GPC5: variants seen among roughly 807,000 people sequenced by gnomAD.
The protein encoded by GPC5 is glypican 5, also known as glypican-5.
A neutral mutation model predicts 53.9 loss-of-function variants in GPC5; 47 were observed. The ratio of observed to expected loss-of-function variants is 0.87; its 90% CI spans 0.69 to 1.11. GPC5 has a LOEUF of 1.11. GPC5 is among the 50% of genes most tolerant of loss of function. The probability of loss-of-function intolerance (pLI) is 0.00; values close to 1 mark genes in which losing one functional copy is unlikely to be tolerated. For missense variants in GPC5, 748 were observed against 713.1 expected, an observed-to-expected ratio of 1.05 and a Z score of -0.56; for synonymous variants, 286 against 263.3, an observed-to-expected ratio of 1.09 and a Z score of -0.84.
chr13:92,132,737 T>C (rs1277071272), intron 6 of GPC5, among the ~76,000 whole-genome samples: 1 of 152,096 alleles, frequency 6.6e-6, no homozygotes. Context: ...ATTTCTAAAG[T>C]CACATTCTGA....
chr13:91,667,372 C>T (rs1382851861), intron 2 of GPC5, among the ~76,000 whole-genome samples: 1 of 151,882 alleles, frequency 6.6e-6, no homozygotes, highest in Non-Finnish European at 1.5e-5. Context: ...TACATATTAC[C>T]CCCTTCATAA....
chr13:92,660,206 T>G (rs1258392382), intron 7 of GPC5, among the ~76,000 whole-genome samples: 1 of 152,232 alleles, frequency 6.6e-6, no homozygotes, highest in African/African-American at 2.4e-5. Flanking sequence ...TTTTTTCAAT[T>G]TGTTTATGTT....
At chr13:92,762,843 A>T (rs1421389133) in intron 7 of GPC5, among the ~76,000 whole-genome samples, 1 of 151,644 alleles carries the variant, frequency 6.6e-6, no homozygotes, top group Non-Finnish European at 1.5e-5. Flanking sequence ...TTTTCAAAAG[A>T]CCTTTTTCAA....
chr13:91,947,186 A>G (rs2039981993), intron 6 of GPC5, among the ~76,000 whole-genome samples: 1 of 152,292 alleles, frequency 6.6e-6, no homozygotes, highest in East Asian at 1.9e-4. Context: ...TTACTATACA[A>G]TGTTACGTTT....
chr13:91,922,880 A>G (rs1386371005), intron 6 of GPC5, among the ~76,000 whole-genome samples: 1 of 5,456 alleles, frequency 1.8e-4, no homozygotes, highest in Admixed American at 2.7e-3. Context: ...AATTTGGCAG[A>G]TCTTACTCCT....
chr13:92,105,096 A>T (rs541434133), intron 6 of GPC5, among the ~76,000 whole-genome samples: 1 of 149,600 alleles, frequency 6.7e-6, no homozygotes, highest in Admixed American at 6.7e-5. Context: ...TTTTTAATTG[A>T]TTTTTTTTTT....
At chr13:92,068,198 A>G (rs754061999) in intron 6 of GPC5, among the ~76,000 whole-genome samples, 15 of 151,910 alleles carry the variant, frequency 9.9e-5, no homozygotes, top group Non-Finnish European at 1.2e-4. Flanking sequence ...AAACTGTTTA[A>G]CTGACTTGAA....
intron 7 of GPC5, among the ~76,000 whole-genome samples, chr13:92,345,507 G>A (rs751263546): frequency 6.6e-6 from 1 of 152,074 alleles, no homozygotes; most frequent in African/African-American, 2.4e-5. Context: ...CCCACAGAAA[G>A]TATAGCTAGC....
intron 7 of GPC5, among the ~76,000 whole-genome samples, chr13:92,821,031 TG>T (rs1343615342): frequency 2.0e-5 from 3 of 152,116 alleles, no homozygotes; most frequent in African/African-American, 7.2e-5. Flanking sequence ...TATTAAGACT[TG>T]AGCTTTCTCT....
chr13:91,855,909 A>G, intron 5 of GPC5, among the ~76,000 whole-genome samples: 1 of 151,602 alleles, frequency 6.6e-6, no homozygotes, highest in Non-Finnish European at 1.5e-5. Flanking sequence ...TCATGTAGCC[A>G]AAACCTAAAT....
rs200469323 is a variant in GPC5, at chr13:91,497,306, ATAT to A, written c.325+48386_325+48388del. 3.8e-3 allele frequency among the ~76,000 whole-genome samples: 496 copies of A among 129,248 alleles called. 2 individuals are homozygous for A. The highest frequency in any genetic ancestry group is 0.012 in the African/African-American group (445 of 38,068). The allele number at this position is 129,248 out of a possible 152,430, so 84.8% of individuals were successfully genotyped here. On this transcript the variant is annotated intron_variant, in intron 2 of 7. Coordinates refer to ENST00000377067, the MANE Select transcript of GPC5 (RefSeq NM_004466.6). ...AAGTCAGATATAGTTTATGCTTCAG[ATAT>A]TTTTTTTTTTAAACCAGTGAATTTT...
At chr13:91,943,192 A>G (rs1328636944) in intron 6 of GPC5, among the ~76,000 whole-genome samples, 3 of 152,138 alleles carry the variant, frequency 2.0e-5, no homozygotes, top group Admixed American at 2.0e-4. Context: ...TCATTAGAAA[A>G]TGTGTAATTC....
chr13:92,216,978 C>CAAA (rs61411051), intron 7 of GPC5, among the ~76,000 whole-genome samples: 1 of 93,656 alleles, frequency 1.1e-5, no homozygotes, highest in African/African-American at 4.0e-5. Flanking sequence ...GATCTTGTCT[C>CAAA]AAAAAAAAAA....
intron 7 of GPC5, among the ~76,000 whole-genome samples, chr13:92,523,277 G>A (rs1036564355): frequency 4.2e-4 from 64 of 152,076 alleles, no homozygotes; most frequent in African/African-American, 1.5e-3. Flanking sequence ...CAACAAACAA[G>A]TGTTCCAAAT....
At chr13:92,829,643 T>C (rs1157096951) in intron 7 of GPC5, among the ~76,000 whole-genome samples, 1 of 152,154 alleles carries the variant, frequency 6.6e-6, no homozygotes. Context: ...TCTCTAGAAC[T>C]AAATATCTTT....
chr13:92,435,319 G>A (rs1037738199), intron 7 of GPC5, among the ~76,000 whole-genome samples: 3 of 152,144 alleles, frequency 2.0e-5, no homozygotes, highest in Non-Finnish European at 4.4e-5. Flanking sequence ...ACCAAAAGGG[G>A]TTGAATGTTT....
At position 92,402,061 on chromosome 13, in the gene GPC5, C is replaced by T. The variant is rs548560850; in HGVS notation, c.1561+257072C>T. Among the ~76,000 whole-genome samples the T allele has an allele frequency of 6.0e-4, 92 of 152,232 alleles. 1 individual carries two copies. Among genetic ancestry groups the T allele is most frequent in the African/African-American group, 2.0e-3 (85 of 41,542 alleles). ...TTGAAAGCAATTGAAATAGTTAATT[C>T]CTTTTTCCCGGAAAAAGGAATTACA... is the stretch of plus-strand genomic sequence containing the variant. On this transcript the variant is annotated intron_variant, in intron 7 of 7. Transcript: ENST00000377067.
chr13:92,149,869 C>G (rs1030138585), intron 7 of GPC5, among the ~76,000 whole-genome samples: 1 of 151,768 alleles, frequency 6.6e-6, no homozygotes. Flanking sequence ...GTTATGTAGT[C>G]TCATTGATTT....
At chr13:92,137,740 C>T (rs2041796549) in intron 6 of GPC5, among the ~76,000 whole-genome samples, 1 of 152,176 alleles carries the variant, frequency 6.6e-6, no homozygotes, top group Non-Finnish European at 1.5e-5. Context: ...ATCCTCCCAC[C>T]TCGCCTCCCA....
Sources: gnomAD v4.1 joint callset for allele counts (sites outside exome capture counted in the v4.1 genomes callset) on GRCh38, gnomAD v4.1.1 for gene constraint, MANE v1.5 for transcripts, NCBI Gene and HGNC (gene_info 2026-07-23, HGNC 2026-07-21) for gene names.